SGSM3: variants seen among roughly 807,000 people sequenced by gnomAD.
SGSM3 encodes small G protein signaling modulator 3.
SGSM3 carries 96 observed loss-of-function variants against 100.5 expected under a neutral mutation model. The ratio of observed to expected loss-of-function variants is 0.96; its 90% CI spans 0.81 to 1.13. The LOEUF is 1.13. Among genes scored for constraint, SGSM3 ranks in the 50% most tolerant of loss-of-function variants. The pLI, the probability that SGSM3 is intolerant of heterozygous loss-of-function variation, is 0.00. For missense variants in SGSM3, 1,001 were observed against 1,015.8 expected, an observed-to-expected ratio of 0.99 and a Z score of 0.20; for synonymous variants, 483 against 422.8, an observed-to-expected ratio of 1.14 and a Z score of -1.75.
At chr22:40,386,675 A>G (rs1361952166) in intron 1 of SGSM3, among the ~76,000 whole-genome samples, 2 of 147,070 alleles carry the variant, frequency 1.4e-5, no homozygotes, top group African/African-American at 2.5e-5. Flanking sequence ...TCTTGTCTCA[A>G]TCTCCCAAAG....
chr22:40,377,146 C>T lies in SGSM3; in HGVS notation c.-112+6458C>T, dbSNP rs191386032. On this transcript the variant is annotated intron_variant, in intron 1 of 21. Transcript: ENST00000248929. ...GCCTGTCCAGCATCCAATCCAGGTT[C>T]TTCTGGGGATAACAGCTCAATTTTG... 2.0e-3 allele frequency among the ~76,000 whole-genome samples: 303 copies of T among 152,292 alleles called. 1 individual carries two copies. Among genetic ancestry groups the T allele is most frequent in the African/African-American group, 6.9e-3 (287 of 41,566 alleles).
rs1569204638 is a variant in SGSM3 at position 40,404,592 on chromosome 22, G to GA, written c.403dup (p.Arg135LysfsTer4). On this transcript the variant is annotated frameshift_variant, in exon 6 of 22. Transcript: ENST00000248929. LOFTEE classifies it high-confidence loss of function. ...GGCTCTCTGGGGCCCTGCAGAAGAA[G>GA]AGGAACTCTGAGCTGTCCTACCGCG... is the stretch of plus-strand genomic sequence containing the variant. 6.2e-7 allele frequency: 1 copy of GA among 1,613,930 alleles called. No individual in the cohort carries two copies. The highest frequency in any genetic ancestry group is 1.1e-5 in the South Asian group (1 of 91,060).
intron 1 of SGSM3, among the ~76,000 whole-genome samples, chr22:40,394,902 C>T (rs1275803914): frequency 1.3e-5 from 2 of 152,174 alleles, no homozygotes; most frequent in Non-Finnish European, 2.9e-5. Flanking sequence ...CTGTTTTCTT[C>T]ATGGCATGTA....
rs1197709437 is a variant in SGSM3 at position 40,380,529 on chromosome 22, G to A, written c.-112+9841G>A. Among the ~76,000 whole-genome samples, 3 of 152,012 alleles carry A rather than the reference G, an allele frequency of 2.0e-5. 1 individual carries two copies. In the South Asian group the frequency reaches 6.2e-4, roughly 32 times the overall value. ...TTAGAGGCATGCCCCATGACACCTG[G>A]CTAATTCTTGTATTTCTAATAGAGA... On this transcript the variant is annotated intron_variant, in intron 1 of 21. Coordinates refer to ENST00000248929, the MANE Select transcript of SGSM3 (RefSeq NM_015705.6).
chr22:40,406,572 C>T lies in SGSM3; in HGVS notation c.1095C>T (p.Ala365=), dbSNP rs150705401. Residue 365 remains alanine, a synonymous_variant, in exon 10 of 22, where the codon GCC becomes GCT. Transcript: ENST00000248929. The part of the protein sequence containing the change: ...MRLAGSLTDV[A]VETQRRKHLA... ...TGGCCGGCTCCCTCACCGATGTGGC[C>T]GTGGAGACTCAGCGCCGCAAGCACC... The T allele has an allele frequency of 8.9e-5, 144 of 1,612,942 alleles. 1 individual carries two copies. In the Middle Eastern group the frequency reaches 1.5e-3, roughly 17 times the overall value.
At chr22:40,371,864 T>G (rs957373400) in intron 1 of SGSM3, among the ~76,000 whole-genome samples, 3 of 150,392 alleles carry the variant, frequency 2.0e-5, no homozygotes, top group Non-Finnish European at 4.4e-5. Context: ...GCCCGGCTAA[T>G]TTGTGTATTT....
chr22:40,388,958 A>C (rs2048911829), intron 1 of SGSM3, among the ~76,000 whole-genome samples: 1 of 152,176 alleles, frequency 6.6e-6, no homozygotes, highest in Non-Finnish European at 1.5e-5. Flanking sequence ...AATTCGAAGA[A>C]TATGGAGGAG....
In SGSM3 at chr22:40,408,063, T is replaced by C; in HGVS notation, c.1580-8T>C. On this transcript the variant is annotated splice_region_variant and splice_polypyrimidine_tract_variant and intron_variant, in intron 14 of 21. Coordinates refer to ENST00000248929, the MANE Select transcript of SGSM3 (RefSeq NM_015705.6). ...GGTTGCTCCTTACAGGGCCTGTTTT[T>C]CCCACAGGCTGGTTTCCAGCCAAGT... The C allele has an allele frequency of 1.3e-6, 2 of 1,567,148 alleles. No homozygotes were observed. Among genetic ancestry groups the C allele is most frequent in the South Asian group, 2.2e-5 (2 of 90,338 alleles).
Position 40,380,047 on chromosome 22 carries a change from A to G in SGSM3, c.-112+9359A>G, listed in dbSNP as rs188879387. 3.4e-3 allele frequency among the ~76,000 whole-genome samples: 519 copies of G among 152,146 alleles called. 1 individual carries two copies. The highest frequency in any genetic ancestry group is 5.6e-3 in the Non-Finnish European group (378 of 68,008). ...ATTAACTGGCCTTGGGTTGTTTGCC[A>G]TTTTATGTGTCTGTCTGGTCAATGA... is the stretch of plus-strand genomic sequence containing the variant. On this transcript the variant is annotated intron_variant, in intron 1 of 21. Transcript: ENST00000248929.
Position 40,400,792 on chromosome 22 carries a change from C to T in SGSM3, c.-15C>T, listed in dbSNP as rs1220374465. On this transcript the variant is annotated 5_prime_UTR_variant, in exon 2 of 22. Coordinates refer to ENST00000248929, the MANE Select transcript of SGSM3 (RefSeq NM_015705.6). Reference sequence around the variant, plus strand: ...AAGATTGGAGCTGCAGAAGACTTGCCAGCCCACCAGCACAATGTCAGGTAG... The same window carrying T: ...AAGATTGGAGCTGCAGAAGACTTGCTAGCCCACCAGCACAATGTCAGGTAG... 2.5e-5 allele frequency: 39 copies of T among 1,550,044 alleles called. No homozygotes were observed. The highest frequency in any genetic ancestry group is 2.0e-5 in the Admixed American group (1 of 50,542).
rs200811370 is a variant in SGSM3, at chr22:40,409,238, C to T, written c.1989-12C>T. 1.9e-6 allele frequency: 3 copies of T among 1,594,630 alleles called. No individual in the cohort carries two copies. The highest frequency in any genetic ancestry group is 4.5e-5 in the East Asian group (2 of 44,774). The stretch of plus-strand genomic sequence containing the variant: ...AGCTGCCCCTGCTCCCCACTCCTGG[C>T]CATGTCCCCAGTGAGCAGGTGCTGC... On this transcript the variant is annotated splice_polypyrimidine_tract_variant and intron_variant, in intron 19 of 21. Transcript: ENST00000248929.
At chr22:40,402,834 T>C (rs944420370) in intron 4 of SGSM3, among the ~76,000 whole-genome samples, 2 of 152,256 alleles carry the variant, frequency 1.3e-5, no homozygotes, top group Non-Finnish European at 2.9e-5. Context: ...ACTGAGTCTC[T>C]AGTCCATTTC....
rs368831798 is a variant in SGSM3 at position 40,406,573 on chromosome 22, G to T, written c.1096G>T (p.Val366Leu). The T allele has an allele frequency of 1.2e-6, 2 of 1,612,920 alleles. No individual in the cohort carries two copies. Among genetic ancestry groups the T allele is most frequent in the Admixed American group, 1.7e-5 (1 of 59,986 alleles). The change falls in exon 10 of 22, where the codon GTG (valine) becomes TTG (leucine). Residue 366 changes from valine to leucine, a missense_variant. Transcript: ENST00000248929. ...GGCCGGCTCCCTCACCGATGTGGCC[G>T]TGGAGACTCAGCGCCGCAAGCACCT... ...RLAGSLTDVAVETQRRKHLAY... is the reference protein window; with the variant it reads ...RLAGSLTDVALETQRRKHLAY...
chr22:40,401,728 A>G, intron 3 of SGSM3, 53 bp downstream of exon 3: 3 of 1,494,666 alleles, frequency 2.0e-6, no homozygotes, highest in South Asian at 1.1e-5. Context: ...TGTGGTATGA[A>G]GGGGACCCAG....
In SGSM3 at chr22:40,409,902, A is replaced by G. The variant is rs1434455671; in HGVS notation, c.*143A>G. On this transcript the variant is annotated 3_prime_UTR_variant, in exon 22 of 22. Transcript: ENST00000248929. ...CAGGCTGCCCCACTCCACGTTCCCC[A>G]GCACATCCCAGGTGGTGGGAGCAGA... is the stretch of plus-strand genomic sequence containing the variant. 7.0e-7 allele frequency: 1 copy of G among 1,420,262 alleles called. No homozygotes were observed. Among genetic ancestry groups the G allele is most frequent in the Non-Finnish European group, 9.1e-7 (1 of 1,093,062 alleles). The allele number at this position is 1,420,262 out of a possible 1,614,324, so 88.0% of individuals were successfully genotyped here.
intron 1 of SGSM3, among the ~76,000 whole-genome samples, chr22:40,396,687 T>A (rs1251450236): frequency 6.6e-6 from 1 of 151,996 alleles, no homozygotes; most frequent in Admixed American, 6.6e-5. Flanking sequence ...ACCATCTCTG[T>A]AGTAGTAGCA....
At position 40,408,274 on chromosome 22, in the gene SGSM3, C is replaced by T. The variant is rs563076039; in HGVS notation, c.1630-3C>T. The T allele has an allele frequency of 5.3e-5, 85 of 1,613,452 alleles. 1 individual carries two copies. The South Asian group carries it at 7.0e-4, about 13-fold the overall frequency. ...GCTTTCTCAGACCCATCCCTCCCAT[C>T]AGTACTCCATCGCGGGGGATGACTC... On this transcript the variant is annotated splice_region_variant and splice_polypyrimidine_tract_variant and intron_variant, in intron 15 of 21. Transcript: ENST00000248929.
At position 40,407,980 on chromosome 22, in the gene SGSM3, G is replaced by A. The variant is rs967703942; in HGVS notation, c.1580-91G>A. 1.7e-5 allele frequency: 26 copies of A among 1,486,616 alleles called. No homozygotes were observed. The highest frequency in any genetic ancestry group is 2.3e-5 in the East Asian group (1 of 44,036). 92.1% of individuals were successfully genotyped at this position (1,486,616 alleles called of 1,614,324 possible). A position where few individuals can be genotyped will look rare whatever the true frequency, so the allele number is the denominator to read the frequency against. On this transcript the variant is annotated intron_variant, in intron 14 of 21. Transcript: ENST00000248929. This position sits in a 1 kb window ranked among gnomAD's most constrained non-coding sequence, Gnocchi z 4.7. ...TTGAGGTCCCTGAAGCAGCTGAGCC[G>A]GCTTCCCACTGCCTCAGCCTGCCTG... is the stretch of plus-strand genomic sequence containing the variant.
intron 1 of SGSM3, among the ~76,000 whole-genome samples, chr22:40,384,023 A>G (rs974638350): frequency 1.3e-5 from 2 of 152,104 alleles, no homozygotes; most frequent in Non-Finnish European, 2.9e-5. Context: ...CCAAAGTGGG[A>G]GGATTGCTTG....
Sources: allele counts gnomAD v4.1 joint callset (sites outside exome capture counted in the v4.1 genomes callset), GRCh38; gene constraint gnomAD v4.1.1; non-coding constraint Gnocchi (gnomAD v3.1); transcripts MANE v1.5; gene names NCBI Gene and HGNC (gene_info 2026-07-23, HGNC 2026-07-21).